The following SYT1 variants were observed in gnomAD, a reference collection of about 807,000 sequenced individuals.
The protein encoded by SYT1 is synaptotagmin 1.
A neutral mutation model predicts 44.8 loss-of-function variants in SYT1; 8 were observed. That is an observed-to-expected ratio of 0.18 (90% CI 0.10 to 0.32). The LOEUF is 0.32. Among genes scored for constraint, SYT1 ranks in the 10% least tolerant of loss-of-function variants. The pLI is 1.00. For synonymous variants in SYT1, 154 were observed against 188.8 expected (o/e 0.82, Z 1.51); for missense variants, 286 against 509.3 (o/e 0.56, Z 4.22).
intron 4 of SYT1, among the ~76,000 whole-genome samples, chr12:79,241,185 A>G (rs920180400): frequency 2.0e-5 from 3 of 152,198 alleles, no homozygotes; most frequent in African/African-American, 7.2e-5. Context: ...AAACAAAAAC[A>G]AAAACAAATG....
intron 4 of SYT1, among the ~76,000 whole-genome samples, chr12:79,219,693 A>G (rs994814419): frequency 2.6e-5 from 4 of 151,896 alleles, no homozygotes; most frequent in African/African-American, 9.7e-5. Flanking sequence ...TTTCTGTTTC[A>G]TCGTCTATGT....
chr12:79,319,824 G>A (rs1881268944), intron 8 of SYT1, among the ~76,000 whole-genome samples: 1 of 152,152 alleles, frequency 6.6e-6, no homozygotes, highest in Non-Finnish European at 1.5e-5. Context: ...AATAGTGCAA[G>A]TTCCTGGAAA....
At chr12:79,285,186 A>G (rs1458049243) in intron 4 of SYT1, among the ~76,000 whole-genome samples, 1 of 152,210 alleles carries the variant, frequency 6.6e-6, no homozygotes. Flanking sequence ...TATTGTTATG[A>G]TTTGACATTT....
At chr12:79,152,306 C>A (rs1421387031) in intron 3 of SYT1, among the ~76,000 whole-genome samples, 1 of 152,020 alleles carries the variant, frequency 6.6e-6, no homozygotes, top group Non-Finnish European at 1.5e-5. Flanking sequence ...AGATGCAGGA[C>A]TCTGAATGGT....
At chr12:79,102,222 C>A (rs1389688303) in intron 3 of SYT1, among the ~76,000 whole-genome samples, 1 of 151,910 alleles carries the variant, frequency 6.6e-6, no homozygotes, top group Non-Finnish European at 1.5e-5. Flanking sequence ...TAGAAATATA[C>A]CTACACATAT....
At chr12:79,125,124 C>A (rs2138151133) in intron 3 of SYT1, among the ~76,000 whole-genome samples, 1 of 152,110 alleles carries the variant, frequency 6.6e-6, no homozygotes, top group Middle Eastern at 3.4e-3. Context: ...AATAATCCAT[C>A]CATTTTTTGG....
Position 78,900,559 on chromosome 12 carries a change from C to G in SYT1, c.-217+35450C>G, listed in dbSNP as rs147130822. Among the ~76,000 whole-genome samples, 201 of 151,798 alleles carry G rather than the reference C, an allele frequency of 1.3e-3. 1 individual carries two copies. Among genetic ancestry groups the G allele is most frequent in the African/African-American group, 4.5e-3 (188 of 41,416 alleles). ...AGGCAAAAGAAAGAGCCAAATGTTCCAAGGGAGAGAGCTGATCTCGGTGTG... is the reference window on the plus strand; with the variant it reads ...AGGCAAAAGAAAGAGCCAAATGTTCGAAGGGAGAGAGCTGATCTCGGTGTG... On this transcript the variant is annotated intron_variant, in intron 1 of 10. Transcript: ENST00000261205.
rs1555211615 is a variant in SYT1, at chr12:79,251,982, T to TA, written c.167-33805_167-33804insA. On this transcript the variant is annotated intron_variant, in intron 4 of 10. Coordinates refer to ENST00000261205, the MANE Select transcript of SYT1 (RefSeq NM_005639.3). ...TGTTTTTCTTAACAAGATAGATGAT[T>TA]GATAGATAGATAGATAGATAGATAG... Among the ~76,000 whole-genome samples, 672 of 149,928 alleles carry TA rather than the reference T, an allele frequency of 4.5e-3. 7 individuals carry two copies. Among genetic ancestry groups the TA allele is most frequent in the African/African-American group, 0.012 (504 of 40,620 alleles).
intron 1 of SYT1, among the ~76,000 whole-genome samples, chr12:78,919,142 C>T (rs1008550511): frequency 6.6e-6 from 1 of 151,978 alleles, no homozygotes; most frequent in Non-Finnish European, 1.5e-5. Context: ...AAATATTCCA[C>T]AGACAATAAA....
At chr12:78,887,269 T>G (rs963729773) in intron 1 of SYT1, among the ~76,000 whole-genome samples, 19 of 152,100 alleles carry the variant, frequency 1.2e-4, no homozygotes, top group African/African-American at 4.6e-4. Flanking sequence ...CGTTAGTCAC[T>G]TAGTAGTCCT....
chr12:78,879,272 C>T (rs117853069), intron 1 of SYT1, among the ~76,000 whole-genome samples: 2 of 151,712 alleles, frequency 1.3e-5, no homozygotes, highest in Non-Finnish European at 2.9e-5. Context: ...GTGTTCAGTT[C>T]ATTCATTAAT....
At chr12:79,210,567 G>C (rs1408582813) in intron 3 of SYT1, among the ~76,000 whole-genome samples, 1 of 152,178 alleles carries the variant, frequency 6.6e-6, no homozygotes, top group Admixed American at 6.6e-5. Context: ...GTTGCTGCAA[G>C]TGCCGTTTAT....
intron 8 of SYT1, among the ~76,000 whole-genome samples, chr12:79,309,475 C>A (rs1880652924): frequency 6.6e-6 from 1 of 151,606 alleles, no homozygotes; most frequent in Non-Finnish European, 1.5e-5. Flanking sequence ...CATTAATAAT[C>A]TGTGGGTGGA....
intron 1 of SYT1, among the ~76,000 whole-genome samples, chr12:78,899,325 G>A (rs956881275): frequency 1.3e-4 from 19 of 151,864 alleles, no homozygotes; most frequent in African/African-American, 4.6e-4. Context: ...AAATAAGTAT[G>A]AAAATCTAAG....
intron 1 of SYT1, among the ~76,000 whole-genome samples, chr12:78,950,400 A>G (rs1257227838): frequency 6.6e-6 from 1 of 152,076 alleles, no homozygotes; most frequent in East Asian, 1.9e-4. Flanking sequence ...ACACACTTCT[A>G]GTGGAATTTA....
At chr12:78,887,404 C>G (rs1490817652) in intron 1 of SYT1, among the ~76,000 whole-genome samples, 21 of 151,824 alleles carry the variant, frequency 1.4e-4, no homozygotes. Context: ...AAAGAGAAGC[C>G]ATAAAGTGCT....
At chr12:79,326,599 C>G (rs1881617693) in intron 8 of SYT1, among the ~76,000 whole-genome samples, 1 of 152,180 alleles carries the variant, frequency 6.6e-6, no homozygotes, top group African/African-American at 2.4e-5. Flanking sequence ...CCAGGCTCTC[C>G]ATGTTTGGAA....
intron 3 of SYT1, among the ~76,000 whole-genome samples, chr12:79,209,595 C>T (rs957179583): frequency 2.0e-5 from 3 of 152,198 alleles, no homozygotes; most frequent in African/African-American, 7.2e-5. Context: ...GGGGTTTAAC[C>T]TTCAGCAAGG....
intron 3 of SYT1, among the ~76,000 whole-genome samples, chr12:79,078,170 C>T (rs115447854): frequency 1.0e-3 from 152 of 152,180 alleles, no homozygotes; most frequent in African/African-American, 3.5e-3. Flanking sequence ...ATTTATCCTA[C>T]TGACTATCAC....
Sources: allele counts gnomAD v4.1 joint callset (sites outside exome capture counted in the v4.1 genomes callset), GRCh38; gene constraint gnomAD v4.1.1; transcripts MANE v1.5; gene names NCBI Gene and HGNC (gene_info 2026-07-23, HGNC 2026-07-21).